The following PCDHGA8 variants were observed in gnomAD, a reference collection of about 807,000 sequenced individuals.
PCDHGA8 encodes protocadherin gamma subfamily A, 8.
In PCDHGA8, 45 loss-of-function variants were observed where a neutral mutation model predicts 59.2. The ratio of observed to expected loss-of-function variants is 0.76; its 90% confidence interval spans 0.60 to 0.98. The LOEUF (loss-of-function observed/expected upper bound fraction) is 0.98, where lower values mean the gene tolerates loss of function less well. PCDHGA8 is among the 50% of genes least tolerant of loss of function. PCDHGA8 has a pLI of 0.00. For missense variants in PCDHGA8, 1,257 were observed against 1,196.2 expected (o/e 1.05, Z -0.75); for synonymous variants, 531 against 519.0 (o/e 1.02, Z -0.32).
At chr5:141,472,849 G>C (rs966051912) in intron 1 of PCDHGA8, among the ~76,000 whole-genome samples, 1 of 151,340 alleles carries the variant, frequency 6.6e-6, no homozygotes, top group East Asian at 2.0e-4. Flanking sequence ...AGCTGGGCAT[G>C]GTGGCACATG....
At chr5:141,399,008 G>A (rs2093737383) in intron 1 of PCDHGA8, 4 of 1,613,904 alleles carry the variant, frequency 2.5e-6, no homozygotes, top group African/African-American at 1.3e-5. Flanking sequence ...AATTCAAAGA[G>A]CGGAGAAATT....
chr5:141,408,871 T>C, intron 1 of PCDHGA8: 2 of 1,612,784 alleles, frequency 1.2e-6, no homozygotes, highest in Non-Finnish European at 1.7e-6. Flanking sequence ...CACCAAGAAG[T>C]GCCACCGCTC....
In PCDHGA8 at chr5:141,421,516, T is replaced by G. The variant is rs199973694; in HGVS notation, c.2424+26279T>G. On this transcript the variant is annotated intron_variant, in intron 1 of 3. Transcript: ENST00000398604. Reference sequence around the variant, plus strand: ...AGGCAGGATAGACCGGGAGGAGCTCTGTGAGACGGTGTCCTCCTGTTTTTT... The same window carrying G: ...AGGCAGGATAGACCGGGAGGAGCTCGGTGAGACGGTGTCCTCCTGTTTTTT... 1.4e-5 allele frequency: 22 copies of G among 1,614,064 alleles called. No homozygotes were observed. The East Asian group carries it at 4.9e-4, about 36-fold the overall frequency.
intron 1 of PCDHGA8, chr5:141,441,551 T>C (rs2098254450): frequency 5.4e-6 from 1 of 184,050 alleles, no homozygotes; most frequent in African/African-American, 2.4e-5. Flanking sequence ...GCCTCCATAG[T>C]GTGCAAGTAG....
At chr5:141,399,942 G>A (rs780939486) in intron 1 of PCDHGA8, 12 of 1,612,140 alleles carry the variant, frequency 7.4e-6, no homozygotes, top group Middle Eastern at 1.9e-4. Context: ...ACCACGTGCT[G>A]CAGGCTAGCG....
chr5:141,476,054 A>T lies in PCDHGA8; in HGVS notation c.2425-18753A>T. The T allele has an allele frequency of 3.3e-6, 5 of 1,504,982 alleles. No homozygotes were observed. The highest frequency in any genetic ancestry group is 4.4e-6 in the Non-Finnish European group (5 of 1,134,040). 93.2% of individuals were successfully genotyped at this position (1,504,982 alleles called of 1,614,324 possible). A position where few individuals can be genotyped will look rare whatever the true frequency, so the allele number is the denominator to read the frequency against. ...AGCGCCCAAGCGCTAACCCGCTGAA[A>T]GTTTCTCAGCGAAATCTCAGGGACG... On this transcript the variant is annotated intron_variant, in intron 1 of 3. Coordinates refer to ENST00000398604, the MANE Select transcript of PCDHGA8 (RefSeq NM_032088.2). The surrounding 1 kb of genome is among the most constrained non-coding windows in gnomAD (Gnocchi z 7.6).
chr5:141,432,300 T>G lies in PCDHGA8; in HGVS notation c.2424+37063T>G, dbSNP rs1280788604. ...TCCATCAACTCCGACACTGGGGTACTGTATGCGCTGAGCTCCTTCGACTAC... is the reference window on the plus strand; with the variant it reads ...TCCATCAACTCCGACACTGGGGTACGGTATGCGCTGAGCTCCTTCGACTAC... On this transcript the variant is annotated intron_variant, in intron 1 of 3. Transcript: ENST00000398604. The surrounding 1 kb of genome is among the most constrained non-coding windows in gnomAD (Gnocchi z 6.0). 1.9e-6 allele frequency: 3 copies of G among 1,614,158 alleles called. No homozygotes were observed. The highest frequency in any genetic ancestry group is 2.5e-6 in the Non-Finnish European group (3 of 1,180,056).
intron 1 of PCDHGA8, chr5:141,420,084 A>G (rs1454284559): frequency 2.5e-6 from 4 of 1,613,890 alleles, no homozygotes; most frequent in African/African-American, 1.3e-5. Context: ...GGTCCCCCCA[A>G]CTACAGTGAG....
chr5:141,476,438 C>G lies in PCDHGA8; in HGVS notation c.2425-18369C>G. On this transcript the variant is annotated intron_variant, in intron 1 of 3. Coordinates refer to ENST00000398604, the MANE Select transcript of PCDHGA8 (RefSeq NM_032088.2). This position sits in a 1 kb window ranked among gnomAD's most constrained non-coding sequence, Gnocchi z 7.6. The stretch of plus-strand genomic sequence containing the variant: ...GACACTGCCCTCTTGCACTGTAACT[C>G]TGGAGTTGGTAGTGGAGAACCCGCT... 1 of 1,614,090 alleles carries G rather than the reference C, an allele frequency of 6.2e-7. No homozygotes were observed. Among genetic ancestry groups the G allele is most frequent in the Non-Finnish European group, 8.5e-7 (1 of 1,180,026 alleles).
At chr5:141,425,805 C>T (rs1419480761) in intron 1 of PCDHGA8, among the ~76,000 whole-genome samples, 1 of 152,158 alleles carries the variant, frequency 6.6e-6, no homozygotes, top group African/African-American at 2.4e-5. Context: ...TGCATTGCTT[C>T]TGCTTAGAAA....
intron 1 of PCDHGA8, chr5:141,399,663 G>A: frequency 6.2e-7 from 1 of 1,613,624 alleles, no homozygotes; most frequent in Non-Finnish European, 8.5e-7. Flanking sequence ...TGGTGTTCGC[G>A]CAGCGCGCCT....
At position 141,497,103 on chromosome 5, in the gene PCDHGA8, T is replaced by C. The variant is rs182534106; in HGVS notation, c.2483+2238T>C. On this transcript the variant is annotated intron_variant, in intron 2 of 3. Transcript: ENST00000398604. ...ACTTAGGAGGCTGAGGCAGAACTGC[T>C]TGAACCCGGAAGGCAGAGGTTGCAG... Among the ~76,000 whole-genome samples, 34 of 152,160 alleles carry C rather than the reference T, an allele frequency of 2.2e-4. 1 individual carries two copies. Among genetic ancestry groups the C allele is most frequent in the Admixed American group, 6.6e-4 (10 of 15,264 alleles).
At chr5:141,419,642 G>A (rs376762490) in intron 1 of PCDHGA8, 1 of 1,612,412 alleles carries the variant, frequency 6.2e-7, no homozygotes, top group African/African-American at 1.3e-5. Context: ...GGTGGCCGTG[G>A]ACGCGGACTC....
At chr5:141,408,615 T>A in intron 1 of PCDHGA8, 1 of 1,613,940 alleles carries the variant, frequency 6.2e-7, no homozygotes, top group Non-Finnish European at 8.5e-7. Flanking sequence ...AAAAAGGAAA[T>A]ACATTTAGAA....
intron 2 of PCDHGA8, among the ~76,000 whole-genome samples, chr5:141,500,935 C>A (rs1159997919): frequency 1.3e-5 from 2 of 151,694 alleles, no homozygotes; most frequent in Non-Finnish European, 2.9e-5. Flanking sequence ...GTGGCGCCAT[C>A]TCGGCTCACT....
chr5:141,431,867 A>C lies in PCDHGA8; in HGVS notation c.2424+36630A>C. On this transcript the variant is annotated intron_variant, in intron 1 of 3. Transcript: ENST00000398604. The surrounding 1 kb of genome is among the most constrained non-coding windows in gnomAD (Gnocchi z 4.8). ...CAGAGGGACATTAATTGCCCTTTTA[A>C]ATGTAAATGACCAAGATTCTGAGGA... 6.2e-7 allele frequency: 1 copy of C among 1,614,226 alleles called. No individual in the cohort carries two copies. Among genetic ancestry groups the C allele is most frequent in the Non-Finnish European group, 8.5e-7 (1 of 1,180,024 alleles).
intron 1 of PCDHGA8, chr5:141,412,841 G>A (rs1285924844): frequency 4.9e-6 from 1 of 206,050 alleles, no homozygotes; most frequent in Non-Finnish European, 9.6e-6. Flanking sequence ...AAAGATAGGA[G>A]TGGAGAAACC....
intron 1 of PCDHGA8, among the ~76,000 whole-genome samples, chr5:141,475,097 T>C (rs180692931): frequency 6.6e-6 from 1 of 152,370 alleles, no homozygotes; most frequent in East Asian, 1.9e-4. Context: ...TTTATAAAGA[T>C]CCTAGGTGGT....
Position 141,477,833 on chromosome 5 carries a change from G to C in PCDHGA8, c.2425-16974G>C. Reference sequence around the variant, plus strand: ...CCCCCAGGTCCTATATCCTCGGCCAGGTGGGAGCTCGGTGGAGATGCTGCC... The same window carrying C: ...CCCCCAGGTCCTATATCCTCGGCCACGTGGGAGCTCGGTGGAGATGCTGCC... On this transcript the variant is annotated intron_variant, in intron 1 of 3. Transcript: ENST00000398604. This position sits in a 1 kb window ranked among gnomAD's most constrained non-coding sequence, Gnocchi z 4.9. The C allele has an allele frequency of 6.2e-7, 1 of 1,614,174 alleles. No individual in the cohort carries two copies.
Sources: gnomAD v4.1 joint callset for allele counts (sites outside exome capture counted in the v4.1 genomes callset) on GRCh38, gnomAD v4.1.1 for gene constraint, Gnocchi (gnomAD v3.1) non-coding constraint, MANE v1.5 for transcripts, NCBI Gene and HGNC (gene_info 2026-07-23, HGNC 2026-07-21) for gene names.